RIMS2: variants seen among roughly 807,000 people sequenced by gnomAD.
RIMS2 encodes regulating synaptic membrane exocytosis protein 2.
In RIMS2, 59 loss-of-function variants were observed where a neutral mutation model predicts 174.4. The observed-to-expected ratio is 0.34, with a 90% CI of 0.27 to 0.42. The LOEUF is 0.42. Among genes scored for constraint, RIMS2 ranks in the 10% least tolerant of loss-of-function variants. The pLI is 1.00. For synonymous variants in RIMS2, 606 were observed against 572.5 expected (o/e 1.06, Z -0.84); for missense variants, 1,620 against 1,666.3 (o/e 0.97, Z 0.48).
intron 4 of RIMS2, among the ~76,000 whole-genome samples, chr8:103,897,016 C>G (rs1416381919): frequency 1.3e-5 from 2 of 151,612 alleles, no homozygotes; most frequent in Non-Finnish European, 2.9e-5. Context: ...AAGGACCATC[C>G]AAAGAGCCCC....
chr8:103,639,799 A>G (rs911932469), intron 1 of RIMS2, among the ~76,000 whole-genome samples: 2 of 151,922 alleles, frequency 1.3e-5, no homozygotes, highest in Admixed American at 1.3e-4. Flanking sequence ...CTATTTGACT[A>G]CATACCTAGA....
chr8:103,815,752 A>C (rs903201239), intron 3 of RIMS2, among the ~76,000 whole-genome samples: 1 of 152,222 alleles, frequency 6.6e-6, no homozygotes, highest in African/African-American at 2.4e-5. Context: ...ATACATGAAC[A>C]TAATTGTTAG....
chr8:103,921,039 C>CAACA (rs1565322054), intron 9 of RIMS2: 1 of 196,680 alleles, frequency 5.1e-6, no homozygotes, highest in East Asian at 1.5e-4. Flanking sequence ...ACAACAACAA[C>CAACA]AACAACAAAA....
In RIMS2 at chr8:103,952,763, T is replaced by C. The variant is rs141078336; in HGVS notation, c.2702-8302T>C. On this transcript the variant is annotated intron_variant, in intron 14 of 23. Coordinates refer to ENST00000504942, the Ensembl canonical transcript of RIMS2. ...GAACTAAACTGGATAGAGAATGAGT[T>C]TGACGAATTGACAGAAGTCGACTTC... is the stretch of plus-strand genomic sequence containing the variant. 4.6e-5 allele frequency among the ~76,000 whole-genome samples: 7 copies of C among 152,168 alleles called. No individual in the cohort carries two copies. The East Asian group carries it at 7.8e-4, about 17-fold the overall frequency.
chr8:104,116,202 A>C (rs921560052), intron 19 of RIMS2, among the ~76,000 whole-genome samples: 2 of 152,294 alleles, frequency 1.3e-5, no homozygotes, highest in South Asian at 4.1e-4. Flanking sequence ...ATGTGTGTAC[A>C]TGTATGTGTT....
At chr8:104,200,623 G>C (rs571172157) in intron 19 of RIMS2, among the ~76,000 whole-genome samples, 1 of 152,272 alleles carries the variant, frequency 6.6e-6, no homozygotes, top group South Asian at 2.1e-4. Flanking sequence ...CTATGCCAGT[G>C]AGAGGCCGGG....
At chr8:103,692,643 A>G (rs2097045620) in intron 1 of RIMS2, among the ~76,000 whole-genome samples, 1 of 152,220 alleles carries the variant, frequency 6.6e-6, no homozygotes, top group Admixed American at 6.5e-5. Context: ...CCTTCAGGGC[A>G]GTGGGTTCCT....
At chr8:104,190,024 T>C (rs1400605143) in intron 19 of RIMS2, among the ~76,000 whole-genome samples, 1 of 151,948 alleles carries the variant, frequency 6.6e-6, no homozygotes, top group Non-Finnish European at 1.5e-5. Context: ...AGACACATAT[T>C]ACAGCATGGT....
chr8:103,991,490 G>A (rs1226711119), intron 17 of RIMS2, among the ~76,000 whole-genome samples: 1 of 151,788 alleles, frequency 6.6e-6, no homozygotes, highest in Non-Finnish European at 1.5e-5. Context: ...TATTCTAAGA[G>A]TTTTGGTAAT....
intron 3 of RIMS2, among the ~76,000 whole-genome samples, chr8:103,817,224 A>G (rs919470105): frequency 5.3e-5 from 8 of 152,168 alleles, no homozygotes; most frequent in African/African-American, 1.9e-4. Context: ...CTTGCGAGTT[A>G]AAACATTTGA....
At position 104,076,715 on chromosome 8, in the gene RIMS2, A is replaced by G. The variant is rs946996236; in HGVS notation, c.3334+62100A>G. ...AGATTAAAACCCTACCTCTTATACT[A>G]TCTGTATGACCTTGGGCAAGTTACT... On this transcript the variant is annotated intron_variant, in intron 19 of 23. Transcript: ENST00000504942. 2.9e-4 allele frequency among the ~76,000 whole-genome samples: 44 copies of G among 152,170 alleles called. 1 individual carries two copies. The highest frequency in any genetic ancestry group is 8.4e-4 in the African/African-American group (35 of 41,538).
At chr8:103,507,651 G>A (rs1824318485) in intron 1 of RIMS2, among the ~76,000 whole-genome samples, 1 of 152,072 alleles carries the variant, frequency 6.6e-6, no homozygotes, top group South Asian at 2.1e-4. Context: ...AACTTACAGT[G>A]TTTGTGTATG....
intron 2 of RIMS2, among the ~76,000 whole-genome samples, chr8:103,698,588 C>A (rs117473860): frequency 0.065 from 9,939 of 152,044 alleles, 398 homozygotes; most frequent in South Asian, 0.088. Context: ...CTGGGATAAA[C>A]CTCATTTTGT....
chr8:103,793,456 A>C (rs979381786), intron 3 of RIMS2, among the ~76,000 whole-genome samples: 5 of 152,224 alleles, frequency 3.3e-5, no homozygotes, highest in Admixed American at 6.5e-5. Context: ...TGTTTCTGAC[A>C]AACCCAGAGC....
intron 19 of RIMS2, among the ~76,000 whole-genome samples, chr8:104,048,979 A>G (rs1442476045): frequency 6.6e-6 from 1 of 152,120 alleles, no homozygotes; most frequent in Non-Finnish European, 1.5e-5. Flanking sequence ...ATTAGTAAGG[A>G]GTTTGGATAA....
intron 3 of RIMS2, among the ~76,000 whole-genome samples, chr8:103,828,347 A>C (rs1005839829): frequency 2.0e-5 from 3 of 152,174 alleles, no homozygotes; most frequent in Non-Finnish European, 4.4e-5. Flanking sequence ...AAATCTTGAT[A>C]AAGTATTCAA....
chr8:103,500,736 T>TG (rs34797008), upstream of RIMS2: 1 of 524,320 alleles, frequency 1.9e-6, no homozygotes, highest in Non-Finnish European at 3.4e-6. Flanking sequence ...CTGCTTTTCT[T>TG]GGGGGAGGGG....
intron 23 of RIMS2, 100 bp downstream of exon 29, chr8:104,251,263 A>C: frequency 9.4e-7 from 1 of 1,060,682 alleles, no homozygotes; most frequent in Non-Finnish European, 1.3e-6. Flanking sequence ...TATGTTCCTC[A>C]CAAAGGAAAT....
At chr8:104,162,245 A>T (rs1468100238) in intron 19 of RIMS2, among the ~76,000 whole-genome samples, 1 of 152,216 alleles carries the variant, frequency 6.6e-6, no homozygotes, top group Non-Finnish European at 1.5e-5. Flanking sequence ...TTTTGAAGTT[A>T]TTATATGCAT....
Sources: gnomAD v4.1 joint callset for allele counts (sites outside exome capture counted in the v4.1 genomes callset) on GRCh38, gnomAD v4.1.1 for gene constraint, MANE v1.5 for transcripts, NCBI Gene and HGNC (gene_info 2026-07-23, HGNC 2026-07-21) for gene names.